The following SEMA6D variants were observed in gnomAD, a reference collection of about 807,000 sequenced individuals.
SEMA6D encodes semaphorin 6D, also known as semaphorin-6D.
In SEMA6D, 35 loss-of-function variants were observed where a neutral mutation model predicts 106.6. The ratio of observed to expected loss-of-function variants is 0.33; its 90% CI spans 0.25 to 0.44. The LOEUF is 0.44. Ranked by LOEUF, SEMA6D falls within the 20% of genes least tolerant of loss-of-function variation. The pLI is 1.00. For synonymous variants in SEMA6D, 499 were observed against 487.7 expected, an observed-to-expected ratio of 1.02 and a Z score of -0.31; for missense variants, 1,185 against 1,345.9, an observed-to-expected ratio of 0.88 and a Z score of 1.87.
In SEMA6D at chr15:47,280,410, T is replaced by C. The variant is rs547385972; in HGVS notation, c.-239+95992T>C. Among the ~76,000 whole-genome samples the C allele has an allele frequency of 7.3e-5, 11 of 151,114 alleles. No homozygotes were observed. In the South Asian group the frequency reaches 2.3e-3, roughly 32 times the overall value. ...ATTTTTTGTTGTGTCTATTTGATTC[T>C]TCTCTCTTTTTTTCTTTATTAGTGT... On this transcript the variant is annotated intron_variant, in intron 1 of 19. Coordinates refer to the SEMA6D transcript ENST00000558014.
intron 4 of SEMA6D, among the ~76,000 whole-genome samples, chr15:47,711,123 A>C (rs938404870): frequency 6.6e-5 from 10 of 151,368 alleles, no homozygotes; most frequent in African/African-American, 1.2e-4. Context: ...TCCCGGCTAA[A>C]ACGGTGAAAC....
intron 4 of SEMA6D, among the ~76,000 whole-genome samples, chr15:47,698,642 T>G (rs568091889): frequency 7.9e-5 from 12 of 152,342 alleles, no homozygotes; most frequent in African/African-American, 2.6e-4. Flanking sequence ...TTTCCTCTGA[T>G]ATAGCTAATT....
chr15:47,552,833 T>TATATATAA (rs1566882592), intron 3 of SEMA6D, among the ~76,000 whole-genome samples: 1 of 80,148 alleles, frequency 1.2e-5, no homozygotes, highest in African/African-American at 7.9e-5. Context: ...TATATTTTTA[T>TATATATAA]ATATATATAA....
chr15:47,261,623 A>T (rs574841036), intron 1 of SEMA6D, among the ~76,000 whole-genome samples: 12 of 152,210 alleles, frequency 7.9e-5, no homozygotes, highest in Middle Eastern at 3.4e-3. Context: ...AAACATTTTC[A>T]TCACCTCCTA....
Position 47,573,165 on chromosome 15 carries a change from A to G in SEMA6D, c.-86-27700A>G, listed in dbSNP as rs1024441353. On this transcript the variant is annotated intron_variant, in intron 3 of 19. Coordinates refer to the SEMA6D transcript ENST00000558014. ...ATAGTGAAGGCAAAAGTGAATTTGTAAGTTAAATTAGAAAAAAAAAATTCA... is the reference window on the plus strand; with the variant it reads ...ATAGTGAAGGCAAAAGTGAATTTGTGAGTTAAATTAGAAAAAAAAAATTCA... Among the ~76,000 whole-genome samples, 7 of 152,130 alleles carry G rather than the reference A, an allele frequency of 4.6e-5. No homozygotes were observed. The East Asian group carries it at 1.3e-3, about 29-fold the overall frequency.
intron 2 of SEMA6D, among the ~76,000 whole-genome samples, chr15:47,413,527 A>G (rs958737742): frequency 2.0e-5 from 3 of 152,084 alleles, no homozygotes; most frequent in Admixed American, 6.5e-5. Context: ...TCTGTCAGCC[A>G]GGCTGGAGTG....
At chr15:47,361,294 A>G (rs1216321242) in intron 1 of SEMA6D, among the ~76,000 whole-genome samples, 2 of 152,214 alleles carry the variant, frequency 1.3e-5, no homozygotes, top group African/African-American at 4.8e-5. Flanking sequence ...CAAAATGGAC[A>G]TATCCCCTTG....
intron 1 of SEMA6D, among the ~76,000 whole-genome samples, chr15:47,737,488 C>T (rs2146912247): frequency 6.6e-6 from 1 of 152,074 alleles, no homozygotes; most frequent in Non-Finnish European, 1.5e-5. Context: ...AATCTGTTTC[C>T]TTCTAGTATT....
intron 1 of SEMA6D, among the ~76,000 whole-genome samples, chr15:47,264,637 C>T (rs2034231013): frequency 1.3e-5 from 2 of 151,990 alleles, no homozygotes; most frequent in South Asian, 2.1e-4. Flanking sequence ...TTCCAGTACA[C>T]TATTAAATAG....
At chr15:47,414,971 C>T (rs1236828596) in intron 2 of SEMA6D, among the ~76,000 whole-genome samples, 2 of 152,072 alleles carry the variant, frequency 1.3e-5, no homozygotes, top group African/African-American at 4.8e-5. Context: ...TTAATATTTA[C>T]TCTATTCTCT....
At chr15:47,746,954 C>T (rs1253991662) in intron 1 of SEMA6D, among the ~76,000 whole-genome samples, 5 of 129,722 alleles carry the variant, frequency 3.9e-5, no homozygotes, top group Admixed American at 8.2e-5. Context: ...TTCATTTCTG[C>T]CACAACAGTC....
chr15:47,325,165 T>G (rs1275259242), intron 1 of SEMA6D, among the ~76,000 whole-genome samples: 1 of 150,304 alleles, frequency 6.7e-6, no homozygotes, highest in Non-Finnish European at 1.5e-5. Context: ...AAGCGTTTTT[T>G]TTTTGTTTTT....
At chr15:47,344,449 C>G (rs994494107) in intron 1 of SEMA6D, among the ~76,000 whole-genome samples, 1 of 152,100 alleles carries the variant, frequency 6.6e-6, no homozygotes, top group Non-Finnish European at 1.5e-5. Context: ...TGGGGAAAAA[C>G]AAGGTAGGGC....
chr15:47,216,858 A>G (rs1004053249), intron 1 of SEMA6D, among the ~76,000 whole-genome samples: 11 of 152,184 alleles, frequency 7.2e-5, no homozygotes, highest in Non-Finnish European at 1.6e-4. Context: ...GAAATTTGCT[A>G]ATACTTCTCA....
intron 1 of SEMA6D, among the ~76,000 whole-genome samples, chr15:47,366,546 A>T (rs1466478426): frequency 6.6e-6 from 1 of 152,244 alleles, no homozygotes; most frequent in Non-Finnish European, 1.5e-5. Context: ...AGGTATGCAT[A>T]GAGTACAGTT....
chr15:47,577,067 G>GT (rs1307136886), intron 3 of SEMA6D, among the ~76,000 whole-genome samples: 1 of 152,200 alleles, frequency 6.6e-6, no homozygotes, highest in Non-Finnish European at 1.5e-5. Context: ...TAGGATTTTT[G>GT]TTTGAGTAGG....
At chr15:47,361,305 A>T (rs1024309906) in intron 1 of SEMA6D, among the ~76,000 whole-genome samples, 1 of 152,208 alleles carries the variant, frequency 6.6e-6, no homozygotes, top group African/African-American at 2.4e-5. Context: ...TATCCCCTTG[A>T]TAAGGGATAC....
chr15:47,313,612 T>C (rs2036528432), intron 1 of SEMA6D, among the ~76,000 whole-genome samples: 1 of 152,210 alleles, frequency 6.6e-6, no homozygotes, highest in African/African-American at 2.4e-5. Context: ...TTGCCTAGGC[T>C]GGAGTGCAGT....
At chr15:47,628,055 A>G (rs1244827938) in intron 4 of SEMA6D, among the ~76,000 whole-genome samples, 2 of 152,116 alleles carry the variant, frequency 1.3e-5, no homozygotes, top group East Asian at 1.9e-4. Context: ...ATTACATGCT[A>G]TTAGCCTACC....
Sources: allele counts gnomAD v4.1 joint callset (sites outside exome capture counted in the v4.1 genomes callset), GRCh38; gene constraint gnomAD v4.1.1; transcripts MANE v1.5; gene names NCBI Gene and HGNC (gene_info 2026-07-23, HGNC 2026-07-21).